Variants in B3GNT7 observed in about 807,000 individuals in gnomAD.
B3GNT7 encodes the protein UDP-GlcNAc:betaGal beta-1,3-N-acetylglucosaminyltransferase 7, also known as BGnT-7.
In B3GNT7, 9 loss-of-function variants were observed where a neutral mutation model predicts 5.1. The observed-to-expected ratio is 1.77, with a 90% CI of 1.07 to 3.09. The LOEUF (loss-of-function observed/expected upper bound fraction) is 3.09, where lower values mean the gene tolerates loss of function less well. Ranked by LOEUF, B3GNT7 falls within the 30% of genes most tolerant of loss-of-function variation. The pLI is 0.00. For synonymous variants in B3GNT7, 253 were observed against 248.6 expected (o/e 1.02, Z -0.17); for missense variants, 468 against 550.8 (o/e 0.85, Z 1.50).
intron 1 of B3GNT7, 68 bp from the exon 2 acceptor site, chr2:231,397,663 G>T: frequency 2.1e-6 from 3 of 1,446,140 alleles, no homozygotes; most frequent in Non-Finnish European, 2.8e-6. Context: ...AGCCTCCCAA[G>T]GGGGGCGCCA....
chr2:231,397,292 G>A, intron 1 of B3GNT7: 1 of 988,384 alleles, frequency 1.0e-6, no homozygotes, highest in Middle Eastern at 5.2e-4. Context: ...ACACCGCAGG[G>A]AAATGAAAGG....
In B3GNT7 at chr2:231,395,800, C is replaced by T; in HGVS notation, c.-4C>T. The T allele has an allele frequency of 1.7e-6, 2 of 1,171,132 alleles. No individual in the cohort carries two copies. The highest frequency in any genetic ancestry group is 3.9e-5 in the East Asian group (1 of 25,668). 72.5% of individuals were successfully genotyped at this position (1,171,132 alleles called of 1,614,324 possible). A position where few individuals can be genotyped will look rare whatever the true frequency, so the allele number is the denominator to read the frequency against. On this transcript the variant is annotated 5_prime_UTR_variant, in exon 1 of 2. Coordinates refer to ENST00000287590, the MANE Select transcript of B3GNT7 (RefSeq NM_145236.3). The surrounding 1 kb of genome is among the most constrained non-coding windows in gnomAD (Gnocchi z 7.3). ...GCCCCTCCGCCGCTCCGGCCCGGGC[C>T]GCCATGTCGCTGTGGTGAGTGGGGC...
chr2:231,397,932 C>T lies in B3GNT7; in HGVS notation c.213C>T (p.Pro71=). The T allele has an allele frequency of 1.9e-6, 3 of 1,613,338 alleles. No homozygotes were observed. Among genetic ancestry groups the T allele is most frequent in the Non-Finnish European group, 2.5e-6 (3 of 1,179,886 alleles). ...AGAACCCGAAAGATGTGGCTGCGCCCACGCCCATGGCCTCTCAGGGGCCCC... is the reference window on the plus strand; with the variant it reads ...AGAACCCGAAAGATGTGGCTGCGCCTACGCCCATGGCCTCTCAGGGGCCCC... ...FWKNPKDVAA[P]TPMASQGPQA... is the part of the protein sequence containing the mutation. The change falls in exon 2 of 2, where the codon CCC becomes CCT. Residue 71 remains proline, a synonymous_variant. Coordinates refer to ENST00000287590, the MANE Select transcript of B3GNT7 (RefSeq NM_145236.3).
rs1418618579 is a variant in B3GNT7 at position 231,400,890 on chromosome 2, A to G, written c.*1965A>G. ...ACCTGGCCCTGGTGGTTAAAATGAT[A>G]ATAATATTAACCCCTGACCAAAACG... On this transcript the variant is annotated 3_prime_UTR_variant, in exon 2 of 2. Transcript: ENST00000287590. The G allele has an allele frequency of 6.6e-6, 1 of 152,196 alleles. No individual in the cohort carries two copies. The highest frequency in any genetic ancestry group is 1.5e-5 in the Non-Finnish European group (1 of 68,038). The allele number at this position is 152,196 out of a possible 1,614,324, so 9.4% of individuals were successfully genotyped here.
Position 231,397,948 on chromosome 2 carries a change from CA to C in B3GNT7, c.230del (p.Gln77ArgfsTer8). 6.2e-7 allele frequency: 1 copy of C among 1,612,966 alleles called. No individual in the cohort carries two copies. The highest frequency in any genetic ancestry group is 2.2e-5 in the East Asian group (1 of 44,886). ...GGCTGCGCCCACGCCCATGGCCTCT[CA>C]GGGGCCCCAGGCCTGGGACGTGACC... ...DVAAPTPMAS[Q>X]GPQAWDVTTT... On this transcript the variant is annotated frameshift_variant, in exon 2 of 2. Coordinates refer to ENST00000287590, the MANE Select transcript of B3GNT7 (RefSeq NM_145236.3). LOFTEE classifies it low-confidence loss of function (END_TRUNC).
rs748968982 is a variant in B3GNT7, at chr2:231,398,810, C to G, written c.1091C>G (p.Pro364Arg). 1.9e-6 allele frequency: 3 copies of G among 1,605,240 alleles called. No homozygotes were observed. The highest frequency in any genetic ancestry group is 2.5e-6 in the Non-Finnish European group (3 of 1,179,822). Residue 364 changes from proline to arginine, a missense_variant, in exon 2 of 2, where the codon CCG (proline) becomes CGG (arginine). Physicochemically the swap from Pro to Arg is moderately radical, Grantham distance 103 (BLOSUM62 -2). Coordinates refer to ENST00000287590, the MANE Select transcript of B3GNT7 (RefSeq NM_145236.3). The part of the protein sequence containing the change: ...RNRNSRMNKE[P>R]CFFRAMLVVH... ...CGCAACAGCCGCATGAACAAGGAGC[C>G]GTGCTTTTTCCGCGCCATGCTCGTG...
chr2:231,396,307 G>A (rs2046513590), intron 1 of B3GNT7, among the ~76,000 whole-genome samples: 1 of 152,064 alleles, frequency 6.6e-6, no homozygotes, highest in Non-Finnish European at 1.5e-5. Context: ...GCAGCCCAGG[G>A]CCTCGCCGCC....
At position 231,395,724 on chromosome 2, in the gene B3GNT7, G is replaced by GCCCGCCGT. The variant is rs1411531741; in HGVS notation, c.-72_-65dup. The GCCCGCCGT allele has an allele frequency of 3.4e-5, 39 of 1,137,134 alleles. No homozygotes were observed. The highest frequency in any genetic ancestry group is 8.2e-5 in the African/African-American group (5 of 60,626). 70.4% of individuals were successfully genotyped at this position (1,137,134 alleles called of 1,614,324 possible). Reference sequence around the variant, plus strand: ...CGCGGCCCGGTCTCCGTCCCCACCCGCCCGCCGTCCCGCCGGCCCGAGCCG... The same window carrying GCCCGCCGT: ...CGCGGCCCGGTCTCCGTCCCCACCCGCCCGCCGTCCCGCCGTCCCGCCGGCCCGAGCCG... On this transcript the variant is annotated 5_prime_UTR_variant, in exon 1 of 2. Transcript: ENST00000287590. This position sits in a 1 kb window ranked among gnomAD's most constrained non-coding sequence, Gnocchi z 7.3.
Position 231,395,754 on chromosome 2 carries a change from G to T in B3GNT7, c.-50G>T. ...CCGTCCCGCCGGCCCGAGCCGTGGC[G>T]CCCAGAGCTGCGAGCCGCTCGCCCC... is the stretch of plus-strand genomic sequence containing the variant. On this transcript the variant is annotated 5_prime_UTR_variant, in exon 1 of 2. Transcript: ENST00000287590. This position sits in a 1 kb window ranked among gnomAD's most constrained non-coding sequence, Gnocchi z 7.3. 3.4e-6 allele frequency: 4 copies of T among 1,167,474 alleles called. No individual in the cohort carries two copies. The highest frequency in any genetic ancestry group is 4.2e-6 in the Non-Finnish European group (4 of 946,834). The allele number at this position is 1,167,474 out of a possible 1,614,324, so 72.3% of individuals were successfully genotyped here. A position where few individuals can be genotyped will look rare whatever the true frequency, so the allele number is the denominator to read the frequency against.
At position 231,397,908 on chromosome 2, in the gene B3GNT7, G is replaced by T. The variant is rs550844855; in HGVS notation, c.189G>T (p.Lys63Asn). 17 of 1,613,776 alleles carry T rather than the reference G, an allele frequency of 1.1e-5. No individual in the cohort carries two copies. Among genetic ancestry groups the T allele is most frequent in the Non-Finnish European group, 1.4e-5 (17 of 1,179,880 alleles). ...GQLVNPNNFWKNPKDVAAPTP... is the reference protein window; with the variant it reads ...GQLVNPNNFWNNPKDVAAPTP... ...TGGTGAACCCCAACAACTTCTGGAA[G>T]AACCCGAAAGATGTGGCTGCGCCCA... Residue 63 changes from lysine to asparagine, a missense_variant, in exon 2 of 2, where the codon AAG (lysine) becomes AAT (asparagine). Lys to Asn is a moderately conservative substitution (Grantham distance 94). Transcript: ENST00000287590.
Position 231,395,843 on chromosome 2 carries a change from C to T in B3GNT7, c.11+29C>T. ...AGTGGGGCTGGGGGCCGTCGGGGGC[C>T]TGGGCGGGGGCGTGGGCCCGGGGCT... On this transcript the variant is annotated intron_variant, in intron 1 of 1. Coordinates refer to ENST00000287590, the MANE Select transcript of B3GNT7 (RefSeq NM_145236.3). The surrounding 1 kb of genome is among the most constrained non-coding windows in gnomAD (Gnocchi z 7.3). 1 of 1,155,490 alleles carries T rather than the reference C, an allele frequency of 8.7e-7. No homozygotes were observed. Among genetic ancestry groups the T allele is most frequent in the African/African-American group, 1.6e-5 (1 of 61,400 alleles). 71.6% of individuals were successfully genotyped at this position (1,155,490 alleles called of 1,614,324 possible). A position where few individuals can be genotyped will look rare whatever the true frequency, so the allele number is the denominator to read the frequency against.
In B3GNT7 at chr2:231,398,546, G is replaced by A. The variant is rs1406163511; in HGVS notation, c.827G>A (p.Arg276His). 2 of 1,613,384 alleles carry A rather than the reference G, an allele frequency of 1.2e-6. No individual in the cohort carries two copies. Among genetic ancestry groups the A allele is most frequent in the Non-Finnish European group, 1.7e-6 (2 of 1,179,716 alleles). ...GTCCTGCAGCACGCTCGGCCCATTCGCAGGAAAGACAACAAATACTACATC... is the reference window on the plus strand; with the variant it reads ...GTCCTGCAGCACGCTCGGCCCATTCACAGGAAAGACAACAAATACTACATC... ...GDVLQHARPIRRKDNKYYIPG... is the reference protein window; with the variant it reads ...GDVLQHARPIHRKDNKYYIPG... The change falls in exon 2 of 2, where the codon CGC becomes CAC. Residue 276 changes from arginine to histidine, a missense_variant. Transcript: ENST00000287590.
rs754740686 is a variant in B3GNT7, at chr2:231,397,933, A to G, written c.214A>G (p.Thr72Ala). The G allele has an allele frequency of 1.9e-6, 3 of 1,613,220 alleles. No homozygotes were observed. The highest frequency in any genetic ancestry group is 2.5e-6 in the Non-Finnish European group (3 of 1,179,874). ...GAACCCGAAAGATGTGGCTGCGCCC[A>G]CGCCCATGGCCTCTCAGGGGCCCCA... is the stretch of plus-strand genomic sequence containing the variant. ...WKNPKDVAAPTPMASQGPQAW... is the reference protein window; with the variant it reads ...WKNPKDVAAPAPMASQGPQAW... The change falls in exon 2 of 2, where the codon ACG (threonine) becomes GCG (alanine). Residue 72 changes from threonine to alanine, a missense_variant. Physicochemically the swap from Thr to Ala is moderately conservative, Grantham distance 58. Transcript: ENST00000287590.
In B3GNT7 at chr2:231,395,928, G is replaced by T; in HGVS notation, c.11+114G>T. The stretch of plus-strand genomic sequence containing the variant: ...CTCCCGGGATAGGAGATGCCCCCGC[G>T]CGCGCCGCGCCGGCCTCAGTTTCCC... On this transcript the variant is annotated intron_variant, in intron 1 of 1. Coordinates refer to ENST00000287590, the MANE Select transcript of B3GNT7 (RefSeq NM_145236.3). The surrounding 1 kb of genome is among the most constrained non-coding windows in gnomAD (Gnocchi z 7.3). The T allele has an allele frequency of 2.8e-6, 2 of 708,460 alleles. No individual in the cohort carries two copies. Among genetic ancestry groups the T allele is most frequent in the South Asian group, 6.6e-5 (1 of 15,254 alleles). 43.9% of individuals were successfully genotyped at this position (708,460 alleles called of 1,614,324 possible).
In B3GNT7 at chr2:231,398,484, T is replaced by G. The variant is rs1406506226; in HGVS notation, c.765T>G (p.Ala255=). 1.2e-6 allele frequency: 2 copies of G among 1,613,678 alleles called. No individual in the cohort carries two copies. The highest frequency in any genetic ancestry group is 1.7e-6 in the Non-Finnish European group (2 of 1,179,874). ...CCACCAACCTGCTAGAATTTCTGGC[T>G]GACCGGCAGCCACAGGAAAACCTGT... is the stretch of plus-strand genomic sequence containing the variant. ...VNPTNLLEFL[A]DRQPQENLFV... Residue 255 remains alanine, a synonymous_variant, in exon 2 of 2, where the codon GCT becomes GCG. Coordinates refer to ENST00000287590, the MANE Select transcript of B3GNT7 (RefSeq NM_145236.3).
chr2:231,396,051 C>A (rs958062657), intron 1 of B3GNT7, among the ~76,000 whole-genome samples: 1 of 151,976 alleles, frequency 6.6e-6, no homozygotes, highest in East Asian at 1.9e-4. Context: ...CTCGGGGCGC[C>A]GCGCTCAGCT....
Position 231,399,014 on chromosome 2 carries a change from T to C in B3GNT7, c.*89T>C. The C allele has an allele frequency of 8.2e-7, 1 of 1,226,658 alleles. No homozygotes were observed. The highest frequency in any genetic ancestry group is 1.6e-5 in the South Asian group (1 of 64,368). 76.0% of individuals were successfully genotyped at this position (1,226,658 alleles called of 1,614,324 possible). On this transcript the variant is annotated 3_prime_UTR_variant, in exon 2 of 2. Transcript: ENST00000287590. ...GGAGCCACAGTGCCCAGGCCTAGCC[T>C]TTGGTCCCCAAGGGGAGGTGGAGGG...
rs2046558527 is a variant in B3GNT7, at chr2:231,401,005, C to T, written c.*2080C>T. On this transcript the variant is annotated 3_prime_UTR_variant, in exon 2 of 2. Coordinates refer to ENST00000287590, the MANE Select transcript of B3GNT7 (RefSeq NM_145236.3). ...AGCTGATGTGTGTAGCCCCCAGTCA[C>T]GTTCCTCACGCTTACTTGATCTATT... is the stretch of plus-strand genomic sequence containing the variant. 2 of 152,322 alleles carry T rather than the reference C, an allele frequency of 1.3e-5. No homozygotes were observed. Among genetic ancestry groups the T allele is most frequent in the South Asian group, 4.1e-4 (2 of 4,824 alleles). 9.4% of individuals were successfully genotyped at this position (152,322 alleles called of 1,614,324 possible). A position where few individuals can be genotyped will look rare whatever the true frequency, so the allele number is the denominator to read the frequency against.
At position 231,398,292 on chromosome 2, in the gene B3GNT7, G is replaced by C; in HGVS notation, c.573G>C (p.Gln191His). Residue 191 changes from glutamine (Q) to histidine (H), a missense_variant, in exon 2 of 2, where the codon CAG (glutamine) becomes CAC (histidine). Physicochemically the swap from Gln to His is conservative, Grantham distance 24 (BLOSUM62 0). Transcript: ENST00000287590. ...SKQEERTHYQQLLAYEDRLYG... is the reference protein window; with the variant it reads ...SKQEERTHYQHLLAYEDRLYG... Reference sequence around the variant, plus strand: ...AGGAGGAGCGCACGCACTACCAGCAGCTGCTGGCCTACGAAGACCGCCTCT... The same window carrying C: ...AGGAGGAGCGCACGCACTACCAGCACCTGCTGGCCTACGAAGACCGCCTCT... 1 of 1,613,110 alleles carries C rather than the reference G, an allele frequency of 6.2e-7. No homozygotes were observed. The highest frequency in any genetic ancestry group is 8.5e-7 in the Non-Finnish European group (1 of 1,179,876).
Sources: allele counts gnomAD v4.1 joint callset (sites outside exome capture counted in the v4.1 genomes callset), GRCh38; gene constraint gnomAD v4.1.1; non-coding constraint Gnocchi (gnomAD v3.1); transcripts MANE v1.5; gene names NCBI Gene and HGNC (gene_info 2026-07-23, HGNC 2026-07-21).